NDUFA10: variants seen among roughly 807,000 people sequenced by gnomAD.
NDUFA10 encodes the protein NADH:ubiquinone oxidoreductase subunit A10.
NDUFA10 carries 40 observed loss-of-function variants against 47.8 expected under a neutral mutation model. That is an observed-to-expected ratio of 0.84 (90% confidence interval 0.65 to 1.09). The LOEUF (loss-of-function observed/expected upper bound fraction) is 1.09, where lower values mean the gene tolerates loss of function less well. Among genes scored for constraint, NDUFA10 ranks in the 50% least tolerant of loss-of-function variants. The pLI is 0.00. For synonymous variants in NDUFA10, 183 were observed against 172.2 expected, an observed-to-expected ratio of 1.06 and a Z score of -0.49; for missense variants, 413 against 451.1, an observed-to-expected ratio of 0.92 and a Z score of 0.76.
At chr2:239,983,847 T>C in intron 9 of NDUFA10, 1 of 1,405,136 alleles carries the variant, frequency 7.1e-7, no homozygotes, top group Non-Finnish European at 9.5e-7. Context: ...GAGGACCCAA[T>C]GTCATGTGAT....
rs115459573 is a variant in NDUFA10, at chr2:239,912,688, C to T, written c.295-17374G>A. Among the ~76,000 whole-genome samples, 620 of 152,310 alleles carry T rather than the reference C, an allele frequency of 4.1e-3. 5 individuals are homozygous for T. Among genetic ancestry groups the T allele is most frequent in the African/African-American group, 0.014 (600 of 41,566 alleles). ...TGGGGCCCACAATGCTGGGGCCACA[C>T]ATACCCCTATCCCTGCCACCACCAC... On this transcript the variant is annotated intron_variant, in intron 4 of 5. Coordinates refer to the NDUFA10 transcript ENST00000419408.
intron 5 of NDUFA10, among the ~76,000 whole-genome samples, chr2:239,893,972 A>G (rs1693343834): frequency 6.9e-6 from 1 of 145,042 alleles, no homozygotes; most frequent in Non-Finnish European, 1.5e-5. Context: ...TCCCAGCCTC[A>G]TTCCTTCTCC....
At chr2:240,021,500 G>A (rs1253766359) in intron 2 of NDUFA10, 88 bp from the exon 3 acceptor site, 19 of 1,201,448 alleles carry the variant, frequency 1.6e-5, no homozygotes, top group Middle Eastern at 2.6e-4. Context: ...CACACAGCCC[G>A]CCCGAATCTC....
rs752795493 is a variant in NDUFA10 at position 239,928,320 on chromosome 2, A to G, written c.295-33006T>C. 4.4e-4 allele frequency among the ~76,000 whole-genome samples: 67 copies of G among 152,258 alleles called. No individual in the cohort carries two copies. The highest frequency in any genetic ancestry group is 7.3e-4 in the Non-Finnish European group (50 of 68,048). ...TTCCAAGAAATAAAGGAGCACATGA[A>G]TTCCATGAATCATGACTAAAGAAAA... On this transcript the variant is annotated intron_variant, in intron 4 of 5. Coordinates refer to the NDUFA10 transcript ENST00000419408. The surrounding 1 kb of genome is among the most constrained non-coding windows in gnomAD (Gnocchi z 4.3).
At position 239,936,432 on chromosome 2, in the gene NDUFA10, G is replaced by A. The variant is rs569133557; in HGVS notation, c.295-41118C>T. Among the ~76,000 whole-genome samples, 97 of 152,314 alleles carry A rather than the reference G, an allele frequency of 6.4e-4. 1 individual carries two copies. Among genetic ancestry groups the A allele is most frequent in the Admixed American group, 1.8e-3 (28 of 15,294 alleles). ...AGGCTGCTCTGCGTGACACTGAAAC[G>A]GTGGATACGTGTCATTATGCGTTTG... is the stretch of plus-strand genomic sequence containing the variant. On this transcript the variant is annotated intron_variant, in intron 4 of 5. Coordinates refer to the NDUFA10 transcript ENST00000419408.
chr2:239,932,771 C>A (rs1013815513), intron 4 of NDUFA10, among the ~76,000 whole-genome samples: 1 of 151,994 alleles, frequency 6.6e-6, no homozygotes, highest in Non-Finnish European at 1.5e-5. Flanking sequence ...TTAGTAGAGA[C>A]GGGGTTTCAC....
At chr2:239,935,766 T>C (rs1694254431) in intron 4 of NDUFA10, among the ~76,000 whole-genome samples, 2 of 152,204 alleles carry the variant, frequency 1.3e-5, no homozygotes, top group South Asian at 2.1e-4. Context: ...CTCCTTTCTC[T>C]TGGCTCCCAT....
chr2:239,946,497 G>C (rs1267840218), intron 4 of NDUFA10, among the ~76,000 whole-genome samples: 1 of 152,240 alleles, frequency 6.6e-6, no homozygotes, highest in Non-Finnish European at 1.5e-5. Flanking sequence ...GAGCCACGGA[G>C]TGAGTCTCAA....
intron 5 of NDUFA10, 124 bp downstream of exon 5, chr2:240,014,615 G>GGT (rs773462841): frequency 9.0e-5 from 131 of 1,448,512 alleles, no homozygotes; most frequent in Non-Finnish European, 1.2e-4. Flanking sequence ...GTGGGAACAG[G>GGT]GTGTGTGTCA....
At chr2:239,953,148 T>TG (rs1254032308), downstream of NDUFA10, among the ~76,000 whole-genome samples, 4 of 152,090 alleles carry the variant, frequency 2.6e-5, 1 homozygote, top group South Asian at 6.2e-4. Flanking sequence ...AAGATCTTGA[T>TG]GGGGGGTTTC....
intron 5 of NDUFA10, among the ~76,000 whole-genome samples, chr2:239,892,891 G>A (rs72991981): frequency 1.3e-5 from 2 of 152,188 alleles, no homozygotes; most frequent in Non-Finnish European, 2.9e-5. Flanking sequence ...GTGTAGGCAG[G>A]GGGGCAAGGA....
chr2:239,994,676 G>A (rs1331158221), intron 8 of NDUFA10, among the ~76,000 whole-genome samples: 1 of 152,134 alleles, frequency 6.6e-6, no homozygotes. Context: ...CCGGTCCCTG[G>A]TGCCAAAAAG....
At chr2:239,949,435 G>A (rs959915361) in intron 4 of NDUFA10, among the ~76,000 whole-genome samples, 13 of 152,198 alleles carry the variant, frequency 8.5e-5, no homozygotes, top group Admixed American at 6.5e-5. Flanking sequence ...GCGTGGGCAG[G>A]CATCCTCCAG....
rs1277470418 is a variant in NDUFA10 at position 239,960,115 on chromosome 2, A to G, written c.*1003T>C. The G allele has an allele frequency of 1.0e-6, 1 of 985,308 alleles. No individual in the cohort carries two copies. Among genetic ancestry groups the G allele is most frequent in the Non-Finnish European group, 1.2e-6 (1 of 829,954 alleles). The allele number at this position is 985,308 out of a possible 1,614,324, so 61.0% of individuals were successfully genotyped here. A position where few individuals can be genotyped will look rare whatever the true frequency, so the allele number is the denominator to read the frequency against. Reference sequence around the variant, plus strand: ...GGCTAGGAGCTACCATATTGGACACAGTGGAGCTTTACAGTGGAAAACCCA... The same window carrying G: ...GGCTAGGAGCTACCATATTGGACACGGTGGAGCTTTACAGTGGAAAACCCA... On this transcript the variant is annotated 3_prime_UTR_variant, in exon 10 of 10. Coordinates refer to ENST00000252711, the MANE Select transcript of NDUFA10 (RefSeq NM_004544.4).
At chr2:239,965,311 G>A (rs1016919144) in intron 9 of NDUFA10, among the ~76,000 whole-genome samples, 3 of 152,008 alleles carry the variant, frequency 2.0e-5, no homozygotes, top group Admixed American at 6.5e-5. Flanking sequence ...ATGCGGGGGG[G>A]GAGGGGTTCA....
rs1696182814 is a variant in NDUFA10 at position 239,990,119 on chromosome 2, G to A, written c.954C>T (p.Thr318=). ...TSIPIFLPEV[T]IGAHQTDRVL... ...CACGGTCAGTCTGATGAGCTCCAAT[G>A]GTGACTTCCGGGAGAAAGATAGGAA... The change falls in exon 9 of 10, where the codon ACC becomes ACT. Residue 318 remains threonine, a synonymous_variant. Coordinates refer to ENST00000252711, the MANE Select transcript of NDUFA10 (RefSeq NM_004544.4). 1.2e-6 allele frequency: 2 copies of A among 1,613,858 alleles called. No individual in the cohort carries two copies. The highest frequency in any genetic ancestry group is 1.7e-6 in the Non-Finnish European group (2 of 1,179,850).
At chr2:239,910,524 C>T (rs772324717) in intron 4 of NDUFA10, among the ~76,000 whole-genome samples, 3 of 152,142 alleles carry the variant, frequency 2.0e-5, no homozygotes, top group African/African-American at 2.4e-5. Context: ...GATGAGAACA[C>T]GGACACATCG....
intron 4 of NDUFA10, among the ~76,000 whole-genome samples, chr2:239,923,873 AAG>A (rs1237607860): frequency 6.6e-6 from 1 of 152,186 alleles, no homozygotes; most frequent in African/African-American, 2.4e-5. Context: ...ACAAAGGAAA[AAG>A]AGAGAAGACA....
At chr2:240,011,309 C>T (rs1697127681) in intron 6 of NDUFA10, among the ~76,000 whole-genome samples, 1 of 152,168 alleles carries the variant, frequency 6.6e-6, no homozygotes, top group African/African-American at 2.4e-5. Context: ...AGTAAAAATA[C>T]ACAAGTTCTC....
Sources: gnomAD v4.1 joint callset for allele counts (sites outside exome capture counted in the v4.1 genomes callset) on GRCh38, gnomAD v4.1.1 for gene constraint, Gnocchi (gnomAD v3.1) non-coding constraint, MANE v1.5 for transcripts, NCBI Gene and HGNC (gene_info 2026-07-23, HGNC 2026-07-21) for gene names.